PRPF8: variants seen among roughly 807,000 people sequenced by gnomAD.
PRPF8 encodes the protein pre-mRNA-processing-splicing factor 8.
In PRPF8, 64 loss-of-function variants were observed where a neutral mutation model predicts 285.9. The ratio of observed to expected loss-of-function variants is 0.22; its 90% CI spans 0.18 to 0.28. PRPF8 has a LOEUF of 0.28. Among genes scored for constraint, PRPF8 ranks in the 10% least tolerant of loss-of-function variants. The pLI is 1.00. For synonymous variants in PRPF8, 1,325 were observed against 1,118.2 expected (o/e 1.18, Z -3.69); for missense variants, 1,426 against 3,026.7 (o/e 0.47, Z 12.41).
rs1218511664 is a variant in PRPF8 at position 1,654,582 on chromosome 17, C to T, written c.5988-566G>A. The T allele has an allele frequency of 1.9e-5, 4 of 207,690 alleles. No homozygotes were observed. The East Asian group carries it at 3.4e-4, about 18-fold the overall frequency. The allele number at this position is 207,690 out of a possible 1,614,324, so 12.9% of individuals were successfully genotyped here. On this transcript the variant is annotated intron_variant, in intron 37 of 42. Coordinates refer to ENST00000304992, the MANE Select transcript of PRPF8 (RefSeq NM_006445.4). Reference sequence around the variant, plus strand: ...CCCTAAAACAGGGATGCTTCCCATACTATTCGAAGACACTGCTGTATCTCT... The same window carrying T: ...CCCTAAAACAGGGATGCTTCCCATATTATTCGAAGACACTGCTGTATCTCT...
chr17:1,678,103 T>A (rs1912705970), intron 13 of PRPF8, among the ~76,000 whole-genome samples: 1 of 151,918 alleles, frequency 6.6e-6, no homozygotes. Flanking sequence ...TCACCTGAGG[T>A]CAGGAGTTCA....
intron 2 of PRPF8, among the ~76,000 whole-genome samples, 172 bp from the exon 3 acceptor site, chr17:1,683,873 T>C (rs772998692): frequency 6.6e-6 from 1 of 151,844 alleles, no homozygotes; most frequent in Non-Finnish European, 1.5e-5. Flanking sequence ...TTTCATCACA[T>C]TGATCACTAT....
intron 3 of PRPF8, chr17:1,683,061 T>C: frequency 4.8e-6 from 1 of 208,724 alleles, no homozygotes; most frequent in South Asian, 7.2e-5. Flanking sequence ...AGTGGTGTGA[T>C]CTCGGCTCAC....
At chr17:1,680,560 CAT>C in intron 8 of PRPF8, 164 bp downstream of exon 8, 1 of 717,730 alleles carries the variant, frequency 1.4e-6, no homozygotes, top group East Asian at 2.7e-5. Context: ...ATACCAATGA[CAT>C]GTTTTAAAGC....
chr17:1,681,887 C>T lies in PRPF8; in HGVS notation c.586G>A (p.Asp196Asn). 6.2e-7 allele frequency: 1 copy of T among 1,613,910 alleles called. No individual in the cohort carries two copies. The highest frequency in any genetic ancestry group is 2.2e-5 in the East Asian group (1 of 44,900). Residue 196 changes from aspartate (D) to asparagine (N), a missense_variant, in exon 5 of 43, where the codon GAC (aspartate) becomes AAC (asparagine). Physicochemically the swap from Asp to Asn is conservative, Grantham distance 23. Transcript: ENST00000304992. Reference sequence around the variant, plus strand: ...AACACAGGGGCGTCCTCCTCAGGGTCCAGCTCTAGCTGAATGGCCTCCAGT... The same window carrying T: ...AACACAGGGGCGTCCTCCTCAGGGTTCAGCTCTAGCTGAATGGCCTCCAGT... Reference protein sequence around the residue: ...EPLEAIQLELDPEEDAPVLDW... With the variant: ...EPLEAIQLELNPEEDAPVLDW...
chr17:1,660,665 T>TA, intron 29 of PRPF8, 33 bp downstream of exon 29: 1 of 1,614,192 alleles, frequency 6.2e-7, no homozygotes. Context: ...CAACTGTCTT[T>TA]AGCTTCCCCT....
At chr17:1,663,028 T>G (rs1025901127) in intron 24 of PRPF8, among the ~76,000 whole-genome samples, 1 of 152,004 alleles carries the variant, frequency 6.6e-6, no homozygotes, top group Non-Finnish European at 1.5e-5. Flanking sequence ...TTATAATACA[T>G]GTACAATTAA....
chr17:1,681,561 C>T lies in PRPF8; in HGVS notation c.783G>A (p.Lys261=), dbSNP rs749712016. 1 of 1,613,834 alleles carries T rather than the reference C, an allele frequency of 6.2e-7. No homozygotes were observed. Among genetic ancestry groups the T allele is most frequent in the Non-Finnish European group, 8.5e-7 (1 of 1,179,810 alleles). The part of the protein sequence containing the change: ...DDNYFYLFDL[K]AFFTSKALNM... Reference sequence around the variant, plus strand: ...TGAGTGCCTTGGACGTAAAGAAGGCCTTCAAATCAAACAGGTAGAAGTAGT... The same window carrying T: ...TGAGTGCCTTGGACGTAAAGAAGGCTTTCAAATCAAACAGGTAGAAGTAGT... The change falls in exon 6 of 43, where the codon AAG becomes AAA. Residue 261 remains lysine, a synonymous_variant. Coordinates refer to ENST00000304992, the MANE Select transcript of PRPF8 (RefSeq NM_006445.4).
chr17:1,676,116 T>C lies in PRPF8; in HGVS notation c.2553-62A>G. The C allele has an allele frequency of 6.2e-7, 1 of 1,611,884 alleles. No individual in the cohort carries two copies. Among genetic ancestry groups the C allele is most frequent in the Non-Finnish European group, 8.5e-7 (1 of 1,179,684 alleles). ...AGGAGGAAGTAAAACCAGGAAAGAC[T>C]GGGGCTACACCTTCTTTCTTTGGAC... On this transcript the variant is annotated intron_variant, in intron 17 of 42. Coordinates refer to ENST00000304992, the MANE Select transcript of PRPF8 (RefSeq NM_006445.4). The surrounding 1 kb of genome is among the most constrained non-coding windows in gnomAD (Gnocchi z 6.3).
chr17:1,663,174 T>C (rs749681654), intron 24 of PRPF8, among the ~76,000 whole-genome samples: 28 of 152,208 alleles, frequency 1.8e-4, no homozygotes, highest in Middle Eastern at 3.4e-3. Flanking sequence ...GCTATGTATA[T>C]ACTGTAAACC....
rs765645862 is a variant in PRPF8, at chr17:1,676,067, A to T, written c.2553-13T>A. ...CCGAGACTTCACACTGACAAAAGCA[A>T]TGGGAAGGGTGAATGGGAAAACTAG... On this transcript the variant is annotated splice_polypyrimidine_tract_variant and intron_variant, in intron 17 of 42. Transcript: ENST00000304992. This position sits in a 1 kb window ranked among gnomAD's most constrained non-coding sequence, Gnocchi z 6.3. 1 of 1,612,860 alleles carries T rather than the reference A, an allele frequency of 6.2e-7. No individual in the cohort carries two copies. Among genetic ancestry groups the T allele is most frequent in the Non-Finnish European group, 8.5e-7 (1 of 1,180,002 alleles).
chr17:1,677,473 G>A, intron 14 of PRPF8, 92 bp downstream of exon 14: 3 of 1,548,572 alleles, frequency 1.9e-6, no homozygotes, highest in Non-Finnish European at 2.7e-6. Context: ...AGTAGGAAGA[G>A]TGCTCATACA....
intron 8 of PRPF8, chr17:1,680,450 A>G (rs1912849679): frequency 7.4e-6 from 4 of 539,768 alleles, no homozygotes; most frequent in Non-Finnish European, 1.3e-5. Flanking sequence ...TATAAAGGCT[A>G]AAACAAACAA....
chr17:1,662,162 A>G lies in PRPF8; in HGVS notation c.3775-9T>C. 2 of 1,614,190 alleles carry G rather than the reference A, an allele frequency of 1.2e-6. No homozygotes were observed. The highest frequency in any genetic ancestry group is 1.7e-6 in the Non-Finnish European group (2 of 1,180,036). ...TTCCACTTATTCACAATCTAAAGGTAGTAGAAAAAAAAGTAAATTACAGAT... is the reference window on the plus strand; with the variant it reads ...TTCCACTTATTCACAATCTAAAGGTGGTAGAAAAAAAAGTAAATTACAGAT... On this transcript the variant is annotated splice_polypyrimidine_tract_variant and intron_variant, in intron 24 of 42. Transcript: ENST00000304992.
At position 1,677,580 on chromosome 17, in the gene PRPF8, C is replaced by A; in HGVS notation, c.1969G>T (p.Ala657Ser). Residue 657 changes from alanine to serine, a missense_variant, in exon 14 of 43, where the codon GCC (alanine) becomes TCC (serine). Around this residue, in one of 34 missense-constraint regions of PRPF8, gnomAD observed 7 missense variants for 67.9 expected, o/e 0.10. Coordinates refer to ENST00000304992, the MANE Select transcript of PRPF8 (RefSeq NM_006445.4). ...AACCACTCACCTTCAAACTGCCGGG[C>A]CAGGAGGTTGCCAAGCCATCGCTCT... ...LLERWLGNLL[A>S]RQFEGRHSKG... is the part of the protein sequence containing the mutation. The A allele has an allele frequency of 5.6e-6, 9 of 1,613,994 alleles. No individual in the cohort carries two copies. Among genetic ancestry groups the A allele is most frequent in the Non-Finnish European group, 7.6e-6 (9 of 1,180,010 alleles).
chr17:1,684,740 C>T, intron 1 of PRPF8, 40 bp downstream of exon 1: 1 of 686,456 alleles, frequency 1.5e-6, no homozygotes, highest in African/African-American at 1.8e-5. Flanking sequence ...CCGACCCGAC[C>T]ACGCCTCCCG....
Position 1,651,491 on chromosome 17 carries a change from C to G in PRPF8, c.6573G>C (p.Gln2191His). ...QPNESPQLSP[Q>H]DVTTHAKIMA... Reference sequence around the variant, plus strand: ...TGATCTTGGCATGGGTGGTGACATCCTGGGGTGATAACTGCGGGGACTCAT... The same window carrying G: ...TGATCTTGGCATGGGTGGTGACATCGTGGGGTGATAACTGCGGGGACTCAT... Residue 2191 changes from glutamine to histidine, a missense_variant, in exon 41 of 43, where the codon CAG becomes CAC. Gln to His is a conservative substitution (Grantham distance 24). This residue lies in a region of PRPF8 where 160 missense variants were observed against 373.7 expected (regional missense o/e 0.43). Coordinates refer to ENST00000304992, the MANE Select transcript of PRPF8 (RefSeq NM_006445.4). The surrounding 1 kb of genome is among the most constrained non-coding windows in gnomAD (Gnocchi z 5.1). The G allele has an allele frequency of 6.2e-7, 1 of 1,614,148 alleles. No homozygotes were observed. The highest frequency in any genetic ancestry group is 8.5e-7 in the Non-Finnish European group (1 of 1,180,016).
At position 1,651,345 on chromosome 17, in the gene PRPF8, GCCAC is replaced by G; in HGVS notation, c.6651-39_6651-36del. On this transcript the variant is annotated intron_variant, in intron 41 of 42. Transcript: ENST00000304992. The surrounding 1 kb of genome is among the most constrained non-coding windows in gnomAD (Gnocchi z 5.1). ...GAACGAGGACAGAGTAACAGCTCAGGCCACTGTTCTGGGCCCTGGCCTGCAATCC... is the reference window on the plus strand; with the variant it reads ...GAACGAGGACAGAGTAACAGCTCAGGTGTTCTGGGCCCTGGCCTGCAATCC... 3 of 1,614,020 alleles carry G rather than the reference GCCAC, an allele frequency of 1.9e-6. No homozygotes were observed. Among genetic ancestry groups the G allele is most frequent in the Non-Finnish European group, 2.5e-6 (3 of 1,179,960 alleles).
Position 1,658,659 on chromosome 17 carries a change from C to G in PRPF8, c.5243G>C (p.Arg1748Pro). The change falls in exon 33 of 43, where the codon CGC becomes CCC. Residue 1748 changes from arginine (R) to proline (P), a missense_variant. Arg to Pro is a moderately radical substitution (Grantham distance 103, BLOSUM62 -2). Transcript: ENST00000304992. This position sits in a 1 kb window ranked among gnomAD's most constrained non-coding sequence, Gnocchi z 4.1. ...PALYVLRERI[R>P]KGLQLYSSEP... is the part of the protein sequence containing the mutation. ...AGATGAATAGAGCTGTAGCCCCTTG[C>G]GGATCCGTTCACGTAACACATACAG... 1 of 1,614,204 alleles carries G rather than the reference C, an allele frequency of 6.2e-7. No homozygotes were observed. The highest frequency in any genetic ancestry group is 8.5e-7 in the Non-Finnish European group (1 of 1,180,042).
Sources: gnomAD v4.1 joint callset for allele counts (sites outside exome capture counted in the v4.1 genomes callset) on GRCh38, gnomAD v4.1.1 for gene constraint, gnomAD v4.1.1 regional missense constraint, Gnocchi (gnomAD v3.1) non-coding constraint, MANE v1.5 for transcripts, NCBI Gene and HGNC (gene_info 2026-07-23, HGNC 2026-07-21) for gene names.